The following ACBD6 variants were observed in gnomAD, a reference collection of about 807,000 sequenced individuals.
ACBD6 encodes acyl-CoA-binding domain-containing protein 6.
In ACBD6, 28 loss-of-function variants were observed where a neutral mutation model predicts 37.2. The ratio of observed to expected loss-of-function variants is 0.75; its 90% CI spans 0.56 to 1.03. The LOEUF is 1.03. ACBD6 is among the 50% of genes least tolerant of loss of function. The pLI, the probability that ACBD6 is intolerant of heterozygous loss-of-function variation, is 0.00. For missense variants in ACBD6, 340 were observed against 337.4 expected, an observed-to-expected ratio of 1.01 and a Z score of -0.06; for synonymous variants, 113 against 126.8, an observed-to-expected ratio of 0.89 and a Z score of 0.73.
At chr1:180,440,921 A>C (rs952465785) in intron 3 of ACBD6, among the ~76,000 whole-genome samples, 2 of 152,190 alleles carry the variant, frequency 1.3e-5, no homozygotes, top group Non-Finnish European at 2.9e-5. Flanking sequence ...ATATGTATAC[A>C]ACAATGCCAA....
At chr1:180,361,873 G>A (rs141524904) in intron 6 of ACBD6, among the ~76,000 whole-genome samples, 1 of 151,978 alleles carries the variant, frequency 6.6e-6, no homozygotes, top group African/African-American at 2.4e-5. Context: ...TGTATTTATT[G>A]AACATTCTAG....
Position 180,492,348 on chromosome 1 carries a change from A to C in ACBD6, c.305T>G (p.Leu102Arg). 2 of 1,614,010 alleles carry C rather than the reference A, an allele frequency of 1.2e-6. No homozygotes were observed. Among genetic ancestry groups the C allele is most frequent in the Non-Finnish European group, 1.7e-6 (2 of 1,179,936 alleles). Residue 102 changes from leucine to arginine, a missense_variant, in exon 3 of 8, where the codon CTT becomes CGT. Leu to Arg is a moderately radical substitution (Grantham distance 102). Transcript: ENST00000367595. ...GKQKWEAWKA[L>R]GDSSPSQAMQ... is the part of the protein sequence containing the mutation. ...TGCTTGGCTGGGGCTTGAATCACCA[A>C]GTGCTTTCCAAGCTTCCCTACAATA...
intron 3 of ACBD6, among the ~76,000 whole-genome samples, chr1:180,452,426 A>T (rs183161980): frequency 1.9e-3 from 296 of 152,106 alleles, no homozygotes; most frequent in Non-Finnish European, 3.1e-3. Flanking sequence ...AGCCGAGATC[A>T]TGCCACTGTA....
At chr1:180,471,608 A>C (rs1650569685) in intron 3 of ACBD6, among the ~76,000 whole-genome samples, 1 of 152,120 alleles carries the variant, frequency 6.6e-6, no homozygotes, top group Non-Finnish European at 1.5e-5. Flanking sequence ...ATGAAGAAGC[A>C]AAAGCGGATA....
intron 6 of ACBD6, among the ~76,000 whole-genome samples, chr1:180,335,348 G>A (rs1651663503): frequency 6.6e-6 from 1 of 152,094 alleles, no homozygotes; most frequent in African/African-American, 2.4e-5. Flanking sequence ...GAGAGTGGGG[G>A]CCAATATTCA....
intron 6 of ACBD6, among the ~76,000 whole-genome samples, chr1:180,349,109 CCTTT>C (rs981087327): frequency 2.0e-5 from 3 of 151,718 alleles, no homozygotes; most frequent in Non-Finnish European, 4.4e-5. Flanking sequence ...AACTTTGTAT[CCTTT>C]ATTTAACTTA....
At chr1:180,426,244 C>A (rs1032265248) in intron 4 of ACBD6, among the ~76,000 whole-genome samples, 4 of 152,178 alleles carry the variant, frequency 2.6e-5, no homozygotes, top group African/African-American at 9.7e-5. Flanking sequence ...TGACATCAAA[C>A]TACAAAATAT....
chr1:180,489,301 A>G (rs1284242806), intron 3 of ACBD6, among the ~76,000 whole-genome samples: 7 of 151,776 alleles, frequency 4.6e-5, no homozygotes, highest in African/African-American at 1.2e-4. Context: ...TCTGAGATGG[A>G]GGTTATGATC....
intron 3 of ACBD6, among the ~76,000 whole-genome samples, chr1:180,484,496 C>T (rs1027133970): frequency 3.3e-5 from 5 of 152,040 alleles, no homozygotes; most frequent in African/African-American, 1.2e-4. Context: ...CAGGGTTGTT[C>T]TGTTGGAGAA....
intron 6 of ACBD6, among the ~76,000 whole-genome samples, chr1:180,386,944 C>T (rs921592758): frequency 6.6e-6 from 1 of 152,052 alleles, no homozygotes. Context: ...GTTGTGATTT[C>T]CCAGGTTCTT....
intron 4 of ACBD6, among the ~76,000 whole-genome samples, chr1:180,423,228 A>G (rs1648444853): frequency 6.6e-6 from 1 of 152,208 alleles, no homozygotes; most frequent in Admixed American, 6.5e-5. Flanking sequence ...CAATATATTT[A>G]CTGAAAAACA....
intron 6 of ACBD6, among the ~76,000 whole-genome samples, chr1:180,366,818 T>G (rs1653071456): frequency 1.3e-5 from 2 of 152,202 alleles, no homozygotes; most frequent in South Asian, 4.1e-4. Context: ...GAGGAACTTA[T>G]TACTATATCC....
intron 6 of ACBD6, among the ~76,000 whole-genome samples, chr1:180,330,410 ACT>A (rs1651433686): frequency 6.6e-6 from 1 of 151,788 alleles, no homozygotes; most frequent in Non-Finnish European, 1.5e-5. Flanking sequence ...ACAGAGTGAC[ACT>A]CTGTTTCAAA....
intron 6 of ACBD6, among the ~76,000 whole-genome samples, chr1:180,345,895 T>C (rs1652163901): frequency 6.6e-6 from 1 of 152,194 alleles, no homozygotes; most frequent in African/African-American, 2.4e-5. Flanking sequence ...GTGCTATCTT[T>C]GTAATGAAAA....
At chr1:180,394,900 A>G (rs1654203675) in intron 6 of ACBD6, among the ~76,000 whole-genome samples, 3 of 152,208 alleles carry the variant, frequency 2.0e-5, no homozygotes, top group African/African-American at 7.2e-5. Flanking sequence ...TTAAACAACT[A>G]TATCACAAAG....
chr1:180,427,873 T>C (rs1382958501), intron 4 of ACBD6, among the ~76,000 whole-genome samples: 2 of 145,592 alleles, frequency 1.4e-5, no homozygotes, highest in Non-Finnish European at 3.0e-5. Flanking sequence ...TGAGCTGAGA[T>C]CATACCACTG....
intron 3 of ACBD6, among the ~76,000 whole-genome samples, chr1:180,449,410 CT>C (rs34597184): frequency 0.014 from 1,910 of 137,922 alleles, 9 homozygotes; most frequent in African/African-American, 0.026. Flanking sequence ...ACAACTCGCA[CT>C]TTTTTTTTTT....
In ACBD6 at chr1:180,502,223, C is replaced by T; in HGVS notation, c.44G>A (p.Ser15Asn). The change falls in exon 1 of 8, where the codon AGC (serine) becomes AAC (asparagine). Residue 15 changes from serine (S) to asparagine (N), a missense_variant. Coordinates refer to ENST00000367595, the MANE Select transcript of ACBD6 (RefSeq NM_032360.4). ...FLPAGAITGDSGGELSSGDDS... is the reference protein window; with the variant it reads ...FLPAGAITGDNGGELSSGDDS... ...GTCCCCTGAGCTCAGCTCTCCACCG[C>T]TGTCGCCGGTGATGGCCCCCGCGGG... 1 of 1,613,910 alleles carries T rather than the reference C, an allele frequency of 6.2e-7. No individual in the cohort carries two copies.
intron 7 of ACBD6, among the ~76,000 whole-genome samples, chr1:180,304,535 C>A (rs527303850): frequency 0.019 from 2,803 of 150,602 alleles, 121 homozygotes; most frequent in African/African-American, 0.063. Flanking sequence ...ACCTAGGAAT[C>A]CAACTTACAA....
Sources: allele counts gnomAD v4.1 joint callset (sites outside exome capture counted in the v4.1 genomes callset), GRCh38; gene constraint gnomAD v4.1.1; transcripts MANE v1.5; gene names NCBI Gene and HGNC (gene_info 2026-07-23, HGNC 2026-07-21).